HPSE2: variants seen among roughly 807,000 people sequenced by gnomAD.
HPSE2 encodes inactive heparanase-2.
Under a neutral mutation model 60.5 loss-of-function variants are expected in HPSE2, and 38 were observed. That is an observed-to-expected ratio of 0.63 (90% CI 0.48 to 0.82). The LOEUF (loss-of-function observed/expected upper bound fraction) is 0.82. Ranked by LOEUF, HPSE2 falls within the 40% of genes least tolerant of loss-of-function variation. The pLI, the probability that HPSE2 is intolerant of heterozygous loss-of-function variation, is 0.00. For missense variants in HPSE2, 713 were observed against 740.4 expected, an observed-to-expected ratio of 0.96 and a Z score of 0.43; for synonymous variants, 295 against 293.2, an observed-to-expected ratio of 1.01 and a Z score of -0.06.
chr10:98,777,038 AG>A (rs1234788327), intron 3 of HPSE2, among the ~76,000 whole-genome samples: 6 of 152,220 alleles, frequency 3.9e-5, no homozygotes, highest in Non-Finnish European at 7.3e-5. Flanking sequence ...TCTGTTTAAA[AG>A]TTTTCAAAAT....
intron 9 of HPSE2, among the ~76,000 whole-genome samples, chr10:98,508,545 AAGAC>A (rs1182743218): frequency 2.6e-5 from 4 of 152,332 alleles, no homozygotes; most frequent in African/African-American, 7.2e-5. Context: ...CCTAGCAAGA[AAGAC>A]AGTCCTTAAG....
intron 5 of HPSE2, among the ~76,000 whole-genome samples, chr10:98,720,134 A>T (rs1360534616): frequency 6.6e-6 from 1 of 152,188 alleles, no homozygotes; most frequent in Non-Finnish European, 1.5e-5. Flanking sequence ...GGTTTAAAAT[A>T]AAAATGAAAA....
chr10:99,192,259 A>T (rs796719596), intron 2 of HPSE2, among the ~76,000 whole-genome samples: 4 of 152,312 alleles, frequency 2.6e-5, no homozygotes, highest in African/African-American at 9.6e-5. Flanking sequence ...GTTATAGAAC[A>T]CCAAACACAT....
chr10:99,014,706 T>C (rs1448224355), intron 3 of HPSE2, among the ~76,000 whole-genome samples: 6 of 152,198 alleles, frequency 3.9e-5, no homozygotes, highest in Non-Finnish European at 8.8e-5. Flanking sequence ...TGATTGGTGA[T>C]GTTGAGCTTT....
chr10:98,471,894 T>C (rs944748672), intron 11 of HPSE2, among the ~76,000 whole-genome samples: 1 of 152,202 alleles, frequency 6.6e-6, no homozygotes, highest in Admixed American at 6.5e-5. Flanking sequence ...GAGCTCCTTA[T>C]AGACAAAGAG....
At chr10:99,314,080 A>G in the HPSE2 span, among the ~76,000 whole-genome samples, 1 of 152,178 alleles carries the variant, frequency 6.6e-6, no homozygotes, top group Non-Finnish European at 1.5e-5. Context: ...AAACACCAAC[A>G]TCAAGGCAAG....
chr10:99,263,783 G>A, the HPSE2 span, among the ~76,000 whole-genome samples: 12 of 150,992 alleles, frequency 7.9e-5, no homozygotes, highest in Non-Finnish European at 1.5e-4. Context: ...TTCTGTCGTC[G>A]TTTCATAACC....
intron 6 of HPSE2, among the ~76,000 whole-genome samples, chr10:98,650,928 T>C (rs774522313): frequency 6.6e-6 from 1 of 152,206 alleles, no homozygotes; most frequent in Non-Finnish European, 1.5e-5. Context: ...CTTGCATGCA[T>C]CACAAAAGCT....
rs151328399 is a variant in HPSE2 at position 98,536,292 on chromosome 10, T to C, written c.1321-46096A>G. On this transcript the variant is annotated intron_variant, in intron 9 of 11. Transcript: ENST00000370552. Reference sequence around the variant, plus strand: ...GGTGGAGCTGAAAGGATATTCTCAGTTTATTATTCGAAAGATCATTTCAGA... The same window carrying C: ...GGTGGAGCTGAAAGGATATTCTCAGCTTATTATTCGAAAGATCATTTCAGA... Among the ~76,000 whole-genome samples the C allele has an allele frequency of 6.1e-3, 926 of 152,314 alleles. 9 individuals are homozygous for C. Among genetic ancestry groups the C allele is most frequent in the African/African-American group, 0.021 (880 of 41,562 alleles).
Position 98,937,234 on chromosome 10 carries a change from G to A in HPSE2, c.611-193178C>T, listed in dbSNP as rs554458025. ...CACTAGGGAGTGCCAGACAGTGGGC[G>A]CAGGACAGTGGGTGCAGCGCACCGT... On this transcript the variant is annotated intron_variant, in intron 3 of 11. Coordinates refer to ENST00000370552, the MANE Select transcript of HPSE2 (RefSeq NM_021828.5). Among the ~76,000 whole-genome samples, 27 of 143,850 alleles carry A rather than the reference G, an allele frequency of 1.9e-4. 3 individuals carry two copies. Among genetic ancestry groups the A allele is most frequent in the Admixed American group, 3.4e-4 (5 of 14,498 alleles). 94.4% of individuals were successfully genotyped at this position (143,850 alleles called of 152,430 possible).
intron 9 of HPSE2, among the ~76,000 whole-genome samples, chr10:98,511,580 GTGTGTGTGTGTGTGTGTT>G (rs1161097617): frequency 2.0e-5 from 3 of 150,524 alleles, no homozygotes; most frequent in African/African-American, 2.5e-5. Flanking sequence ...GTGTGTGTGT[GTGTGTGTGTGTGTGTGTT>G]TGTGTGTGTG....
the HPSE2 span, among the ~76,000 whole-genome samples, chr10:99,275,449 T>C: frequency 6.7e-6 from 1 of 148,606 alleles, no homozygotes; most frequent in Non-Finnish European, 1.5e-5. Flanking sequence ...TTATGAGCAC[T>C]GAAGGGAATA....
intron 6 of HPSE2, among the ~76,000 whole-genome samples, chr10:98,663,931 C>T (rs1182082046): frequency 6.6e-6 from 1 of 152,122 alleles, no homozygotes; most frequent in Admixed American, 6.5e-5. Flanking sequence ...GTGACCTTGC[C>T]CTTGTCTGAA....
At chr10:98,533,494 T>C (rs1943191046) in intron 9 of HPSE2, among the ~76,000 whole-genome samples, 1 of 152,232 alleles carries the variant, frequency 6.6e-6, no homozygotes, top group South Asian at 2.1e-4. Context: ...ATGTCAATTT[T>C]AAACATATGT....
intron 3 of HPSE2, among the ~76,000 whole-genome samples, chr10:99,080,712 G>A (rs146664122): frequency 3.3e-4 from 51 of 152,290 alleles, no homozygotes; most frequent in African/African-American, 1.2e-3. Flanking sequence ...TGAGTCAGAA[G>A]CCATCATTCA....
At chr10:99,157,901 T>A (rs1181996728) in intron 2 of HPSE2, among the ~76,000 whole-genome samples, 6 of 102,436 alleles carry the variant, frequency 5.9e-5, no homozygotes, top group African/African-American at 1.4e-4. Flanking sequence ...CAAACAAATT[T>A]ACAAGAAAAA....
chr10:99,246,266 C>A, the HPSE2 span, among the ~76,000 whole-genome samples: 1 of 152,146 alleles, frequency 6.6e-6, no homozygotes, highest in African/African-American at 2.4e-5. Context: ...TTATTGAGGT[C>A]TGACAATGGA....
intron 9 of HPSE2, among the ~76,000 whole-genome samples, chr10:98,506,743 C>T (rs1340485663): frequency 3.3e-5 from 5 of 152,172 alleles, no homozygotes; most frequent in Admixed American, 1.3e-4. Context: ...GATTTACAGG[C>T]GTCAGCTTCT....
chr10:98,748,051 C>A (rs1425134051), intron 3 of HPSE2, among the ~76,000 whole-genome samples: 1 of 152,158 alleles, frequency 6.6e-6, no homozygotes, highest in Non-Finnish European at 1.5e-5. Flanking sequence ...GTAATCCCAG[C>A]ACTTTGGGAG....
Sources: allele counts gnomAD v4.1 joint callset (sites outside exome capture counted in the v4.1 genomes callset), GRCh38; gene constraint gnomAD v4.1.1; transcripts MANE v1.5; gene names NCBI Gene and HGNC (gene_info 2026-07-23, HGNC 2026-07-21).